The following EHD4 variants were observed in gnomAD, a reference collection of about 807,000 sequenced individuals.
The protein encoded by EHD4 is EH domain-containing protein 4.
Under a neutral mutation model 51.0 loss-of-function variants are expected in EHD4, and 37 were observed. The ratio of observed to expected loss-of-function variants is 0.73; its 90% CI spans 0.56 to 0.95. The LOEUF (loss-of-function observed/expected upper bound fraction) is 0.95. Among genes scored for constraint, EHD4 ranks in the 40% least tolerant of loss-of-function variants. EHD4 has a pLI of 0.00. For synonymous variants in EHD4, 297 were observed against 317.3 expected, an observed-to-expected ratio of 0.94 and a Z score of 0.68; for missense variants, 632 against 733.1, an observed-to-expected ratio of 0.86 and a Z score of 1.59.
rs1814124951 is a variant in EHD4 at position 41,898,816 on chromosome 15, G to A, written c.*1829C>T. 6.6e-6 allele frequency: 1 copy of A among 152,150 alleles called. No individual in the cohort carries two copies. The highest frequency in any genetic ancestry group is 2.4e-5 in the African/African-American group (1 of 41,438). The allele number at this position is 152,150 out of a possible 1,614,324, so 9.4% of individuals were successfully genotyped here. A position where few individuals can be genotyped will look rare whatever the true frequency, so the allele number is the denominator to read the frequency against. ...TGCGCCACTGCACTCCAGCCTGGGT[G>A]ACAGAGACTTCCTCTCAAAATAAAA... On this transcript the variant is annotated 3_prime_UTR_variant, in exon 6 of 6. Transcript: ENST00000220325.
chr15:41,969,052 G>T (rs1268697473), intron 1 of EHD4, among the ~76,000 whole-genome samples: 4 of 152,224 alleles, frequency 2.6e-5, no homozygotes, highest in Non-Finnish European at 5.9e-5. Context: ...CTACATAGAA[G>T]ATCATGTCAT....
chr15:41,906,779 G>C (rs967894281), intron 5 of EHD4, among the ~76,000 whole-genome samples: 4 of 152,222 alleles, frequency 2.6e-5, no homozygotes, highest in Non-Finnish European at 4.4e-5. Context: ...TGACACACCT[G>C]GTCTGGCTGC....
At chr15:41,907,822 C>CTG (rs1491431357) in intron 5 of EHD4, among the ~76,000 whole-genome samples, 52 of 127,496 alleles carry the variant, frequency 4.1e-4, no homozygotes, top group African/African-American at 1.4e-3. Context: ...TGCGCCCAGG[C>CTG]TCTGTGTGTG....
chr15:41,956,710 C>T (rs2067890654), intron 1 of EHD4, among the ~76,000 whole-genome samples: 1 of 152,168 alleles, frequency 6.6e-6, no homozygotes, highest in Non-Finnish European at 1.5e-5. Flanking sequence ...CCCCCTTTGA[C>T]TGTGACCTTG....
At chr15:41,950,417 G>A (rs760160659) in intron 2 of EHD4, among the ~76,000 whole-genome samples, 1 of 152,176 alleles carries the variant, frequency 6.6e-6, no homozygotes, top group Admixed American at 6.5e-5. Flanking sequence ...AAAGTTCTCC[G>A]CAGAAAACAA....
At chr15:41,901,375 T>C (rs542042828) in intron 5 of EHD4, among the ~76,000 whole-genome samples, 194 bp from the exon 6 acceptor site, 1 of 152,276 alleles carries the variant, frequency 6.6e-6, no homozygotes, top group South Asian at 2.1e-4. Flanking sequence ...GAAACAAGTG[T>C]TTTTCCTATG....
intron 1 of EHD4, among the ~76,000 whole-genome samples, chr15:41,965,021 C>G (rs989525416): frequency 8.5e-5 from 13 of 152,184 alleles, no homozygotes; most frequent in Non-Finnish European, 1.8e-4. Flanking sequence ...ATTTGTCCAC[C>G]TTGGCCTCCC....
chr15:41,923,197 TG>T (rs1372149595), intron 3 of EHD4, among the ~76,000 whole-genome samples: 1 of 152,226 alleles, frequency 6.6e-6, no homozygotes, highest in Non-Finnish European at 1.5e-5. Flanking sequence ...TTCTACTTTT[TG>T]TCTCTATGAA....
At chr15:41,904,322 G>T (rs2067498283) in intron 5 of EHD4, among the ~76,000 whole-genome samples, 1 of 152,134 alleles carries the variant, frequency 6.6e-6, no homozygotes, top group Non-Finnish European at 1.5e-5. Flanking sequence ...GTCCTGGGAG[G>T]CAGGCAAGAA....
chr15:41,896,846 C>G lies in EHD4; in HGVS notation c.*3799G>C, dbSNP rs754188184. 6.6e-6 allele frequency: 1 copy of G among 152,188 alleles called. No individual in the cohort carries two copies. The highest frequency in any genetic ancestry group is 1.5e-5 in the Non-Finnish European group (1 of 68,056). 9.4% of individuals were successfully genotyped at this position (152,188 alleles called of 1,614,324 possible). ...CTCTTCTGTCCCCACCTGATGGGGCCGCTTTCCTTCTGAAGCGGCTGCATT... is the reference window on the plus strand; with the variant it reads ...CTCTTCTGTCCCCACCTGATGGGGCGGCTTTCCTTCTGAAGCGGCTGCATT... On this transcript the variant is annotated 3_prime_UTR_variant, in exon 6 of 6. Coordinates refer to ENST00000220325, the MANE Select transcript of EHD4 (RefSeq NM_139265.4).
chr15:41,955,146 G>A (rs1474514309), intron 1 of EHD4, among the ~76,000 whole-genome samples: 1 of 151,896 alleles, frequency 6.6e-6, no homozygotes, highest in Non-Finnish European at 1.5e-5. Context: ...AATAGCACAC[G>A]GCATTTACTG....
At position 41,943,249 on chromosome 15, in the gene EHD4, T is replaced by C. The variant is rs2067788798; in HGVS notation, c.414-85A>G. 7.7e-6 allele frequency: 8 copies of C among 1,034,430 alleles called. No individual in the cohort carries two copies. In the African/African-American group the frequency reaches 1.1e-4, roughly 14 times the overall value. The allele number at this position is 1,034,430 out of a possible 1,614,324, so 64.1% of individuals were successfully genotyped here. On this transcript the variant is annotated intron_variant, in intron 2 of 5. Transcript: ENST00000220325. ...TGGGGCTTCTTGGCCTCTCTGGGCT[T>C]ACTGACATCTGTAAAGTGGGGGCCT...
intron 1 of EHD4, among the ~76,000 whole-genome samples, chr15:41,965,805 C>T (rs932537552): frequency 2.6e-5 from 4 of 152,144 alleles, no homozygotes; most frequent in African/African-American, 9.7e-5. Context: ...AAAGCCTTCC[C>T]CCTCCTACAT....
chr15:41,963,160 G>C (rs1431159280), intron 1 of EHD4, among the ~76,000 whole-genome samples: 1 of 152,114 alleles, frequency 6.6e-6, no homozygotes, highest in East Asian at 1.9e-4. Context: ...CACTGCGGAA[G>C]GCCGCAGGGT....
rs575846448 is a variant in EHD4, at chr15:41,899,352, T to C, written c.*1293A>G. The C allele has an allele frequency of 6.6e-6, 1 of 152,218 alleles. No individual in the cohort carries two copies. The highest frequency in any genetic ancestry group is 6.5e-5 in the Admixed American group (1 of 15,298). The allele number at this position is 152,218 out of a possible 1,614,324, so 9.4% of individuals were successfully genotyped here. On this transcript the variant is annotated 3_prime_UTR_variant, in exon 6 of 6. Transcript: ENST00000220325. The stretch of plus-strand genomic sequence containing the variant: ...GTCCAGAGAGGTTTACTCAGGGGAT[T>C]TGGGGAGCGCACACTCTGGAGCAGA...
At chr15:41,942,090 A>G (rs965880227) in intron 3 of EHD4, 1 of 152,218 alleles carries the variant, frequency 6.6e-6, no homozygotes, top group Non-Finnish European at 1.5e-5. Flanking sequence ...CAGGGCAAGG[A>G]AAAGACTTGA....
At chr15:41,959,025 A>T (rs1335920210) in intron 1 of EHD4, among the ~76,000 whole-genome samples, 1 of 152,242 alleles carries the variant, frequency 6.6e-6, no homozygotes, top group Non-Finnish European at 1.5e-5. Context: ...GTAAGATTTT[A>T]AAAATAATAC....
chr15:41,920,699 C>T (rs1566819188), intron 3 of EHD4, among the ~76,000 whole-genome samples: 1 of 152,298 alleles, frequency 6.6e-6, no homozygotes, highest in African/African-American at 2.4e-5. Flanking sequence ...AACCAAGTAT[C>T]GTTTCTTTAG....
chr15:41,948,564 T>TA (rs940016618), intron 2 of EHD4, among the ~76,000 whole-genome samples: 4 of 151,790 alleles, frequency 2.6e-5, no homozygotes, highest in Non-Finnish European at 4.4e-5. Flanking sequence ...TCCCTCAGAT[T>TA]AAAAAAAAAT....
Sources: allele counts gnomAD v4.1 joint callset (sites outside exome capture counted in the v4.1 genomes callset), GRCh38; gene constraint gnomAD v4.1.1; transcripts MANE v1.5; gene names NCBI Gene and HGNC (gene_info 2026-07-23, HGNC 2026-07-21).